The following SLC12A1 variants were observed in gnomAD, a reference collection of about 807,000 sequenced individuals.
SLC12A1 encodes solute carrier family 12 member 1.
In SLC12A1, 89 loss-of-function variants were observed where a neutral mutation model predicts 130.4. That is an observed-to-expected ratio of 0.68 (90% CI 0.58 to 0.81). SLC12A1 has a LOEUF of 0.81. Ranked by LOEUF, SLC12A1 falls within the 40% of genes least tolerant of loss-of-function variation. The pLI, the probability that SLC12A1 is intolerant of heterozygous loss-of-function variation, is 0.00. For synonymous variants in SLC12A1, 499 were observed against 460.0 expected (o/e 1.08, Z -1.09); for missense variants, 1,310 against 1,336.4 (o/e 0.98, Z 0.31).
chr15:48,207,112 A>G (rs1387839408), intron 1 of SLC12A1, among the ~76,000 whole-genome samples: 2 of 152,160 alleles, frequency 1.3e-5, no homozygotes, highest in East Asian at 1.9e-4. Flanking sequence ...TTTTCATTTT[A>G]TATGTTGTAT....
intron 11 of SLC12A1, among the ~76,000 whole-genome samples, chr15:48,246,217 C>A (rs531465091): frequency 6.6e-6 from 1 of 152,038 alleles, no homozygotes; most frequent in Non-Finnish European, 1.5e-5. Flanking sequence ...CCTCTGTGTG[C>A]AGGAAGAAGA....
intron 24 of SLC12A1, among the ~76,000 whole-genome samples, chr15:48,298,309 A>G (rs1183233057): frequency 6.6e-6 from 1 of 152,232 alleles, no homozygotes; most frequent in Non-Finnish European, 1.5e-5. Flanking sequence ...CATAAATTAT[A>G]AGTTTTACTT....
intron 19 of SLC12A1, among the ~76,000 whole-genome samples, chr15:48,272,418 T>TTTTGTTTG (rs57354501): frequency 0.18 from 27,686 of 151,532 alleles, 2,849 homozygotes; most frequent in African/African-American, 0.27. Context: ...TGGTTTAGTT[T>TTTTGTTTG]TTTGTTTGTT....
intron 21 of SLC12A1, 109 bp downstream of exon 21, chr15:48,285,358 G>T: frequency 9.7e-7 from 1 of 1,031,138 alleles, no homozygotes; most frequent in Non-Finnish European, 1.4e-6. Flanking sequence ...TTGAGTGTGG[G>T]TAGGAACTGA....
In SLC12A1 at chr15:48,269,725, C is replaced by A; in HGVS notation, c.2363C>A (p.Ala788Asp). 6.2e-7 allele frequency: 1 copy of A among 1,610,852 alleles called. No homozygotes were observed. Among genetic ancestry groups the A allele is most frequent in the Non-Finnish European group, 8.5e-7 (1 of 1,177,320 alleles). ...VIGYKKNWRK[A>D]PLTEIENYVG... is the part of the protein sequence containing the mutation. ...GGATATAAGAAAAACTGGAGGAAAGCTCCCTTGACAGAGATTGAGAACTAC... is the reference window on the plus strand; with the variant it reads ...GGATATAAGAAAAACTGGAGGAAAGATCCCTTGACAGAGATTGAGAACTAC... Residue 788 changes from alanine to aspartate, a missense_variant, in exon 19 of 27, where the codon GCT becomes GAT. Physicochemically the swap from Ala to Asp is moderately radical, Grantham distance 126. Coordinates refer to ENST00000380993, the MANE Select transcript of SLC12A1 (RefSeq NM_000338.3).
At chr15:48,278,014 T>C (rs2041972031) in intron 20 of SLC12A1, among the ~76,000 whole-genome samples, 1 of 152,250 alleles carries the variant, frequency 6.6e-6, no homozygotes, top group Admixed American at 6.5e-5. Context: ...TTCCTTTTTA[T>C]GCCCCTTTTC....
At chr15:48,241,207 A>G (rs1302504328) in intron 9 of SLC12A1, among the ~76,000 whole-genome samples, 2 of 152,236 alleles carry the variant, frequency 1.3e-5, no homozygotes, top group African/African-American at 2.4e-5. Flanking sequence ...TTCATAGGAG[A>G]TAAAGAGAAG....
At chr15:48,271,272 C>T (rs747656941) in intron 19 of SLC12A1, among the ~76,000 whole-genome samples, 4 of 152,026 alleles carry the variant, frequency 2.6e-5, no homozygotes. Flanking sequence ...CTTAATCAGA[C>T]TCCAGAGCGG....
intron 1 of SLC12A1, among the ~76,000 whole-genome samples, chr15:48,207,052 A>G (rs2040990611): frequency 2.0e-5 from 3 of 152,302 alleles, no homozygotes; most frequent in South Asian, 4.1e-4. Flanking sequence ...TAAGTTGAAC[A>G]TGTACAGATT....
chr15:48,237,782 C>A (rs370750698), intron 9 of SLC12A1, among the ~76,000 whole-genome samples: 1 of 152,016 alleles, frequency 6.6e-6, no homozygotes, highest in African/African-American at 2.4e-5. Context: ...AGAGACTCTA[C>A]GGAGGTTAGA....
chr15:48,238,080 C>G (rs1348470347), intron 9 of SLC12A1, among the ~76,000 whole-genome samples: 1 of 152,176 alleles, frequency 6.6e-6, no homozygotes, highest in Non-Finnish European at 1.5e-5. Context: ...ACATCACAAC[C>G]AAGTGCACAC....
At chr15:48,212,899 A>C (rs1294869002) in intron 2 of SLC12A1, among the ~76,000 whole-genome samples, 2 of 152,218 alleles carry the variant, frequency 1.3e-5, no homozygotes, top group African/African-American at 4.8e-5. Context: ...TAAAAGCATT[A>C]ACTTTAAATG....
chr15:48,288,261 T>C, intron 22 of SLC12A1, 87 bp downstream of exon 22: 1 of 1,318,152 alleles, frequency 7.6e-7, no homozygotes, highest in South Asian at 1.4e-5. Flanking sequence ...GGAACAATAC[T>C]GGTTAAAGAA....
intron 20 of SLC12A1, among the ~76,000 whole-genome samples, chr15:48,276,376 C>A (rs1048139856): frequency 2.0e-5 from 3 of 152,090 alleles, no homozygotes; most frequent in South Asian, 2.1e-4. Context: ...AAGTGCTAAC[C>A]CCCAGGACCT....
At chr15:48,280,265 A>G (rs1455623181) in intron 20 of SLC12A1, among the ~76,000 whole-genome samples, 1 of 152,206 alleles carries the variant, frequency 6.6e-6, no homozygotes, top group Non-Finnish European at 1.5e-5. Context: ...GGTACCATAT[A>G]ATCGATTTAT....
At chr15:48,289,220 G>C (rs967832853) in intron 23 of SLC12A1, among the ~76,000 whole-genome samples, 1 of 151,362 alleles carries the variant, frequency 6.6e-6, no homozygotes, top group African/African-American at 2.4e-5. Flanking sequence ...GTCTCTGATG[G>C]AAATCCAGAA....
rs374318227 is a variant in SLC12A1 at position 48,227,107 on chromosome 15, T to C, written c.724+536T>C. On this transcript the variant is annotated intron_variant, in intron 5 of 26. Transcript: ENST00000380993. ...TTGGAGTCATCATCATTGGCCTAAGTGTGGTAGTAACGACACTCACAGGTA... is the reference window on the plus strand; with the variant it reads ...TTGGAGTCATCATCATTGGCCTAAGCGTGGTAGTAACGACACTCACAGGTA... 1.9e-5 allele frequency: 30 copies of C among 1,552,088 alleles called. No homozygotes were observed. In the African/African-American group the frequency reaches 3.4e-4, roughly 18 times the overall value.
chr15:48,288,379 G>A lies in SLC12A1; in HGVS notation c.2762-26G>A, dbSNP rs1408920669. The stretch of plus-strand genomic sequence containing the variant: ...TTCCTTCCATTTAGATATACTCATT[G>A]TGTCATAATTTATTCTTTATTCCAG... On this transcript the variant is annotated intron_variant, in intron 22 of 26. Transcript: ENST00000380993. 1.1e-5 allele frequency: 13 copies of A among 1,236,692 alleles called. No homozygotes were observed. In the South Asian group the frequency reaches 1.7e-4, roughly 16 times the overall value. 76.6% of individuals were successfully genotyped at this position (1,236,692 alleles called of 1,614,324 possible).
chr15:48,248,375 A>ATT (rs1227839509), intron 13 of SLC12A1, among the ~76,000 whole-genome samples: 3 of 152,262 alleles, frequency 2.0e-5, no homozygotes, highest in Non-Finnish European at 4.4e-5. Flanking sequence ...CAATTATGTA[A>ATT]TTTAGCCTCT....
Sources: allele counts gnomAD v4.1 joint callset (sites outside exome capture counted in the v4.1 genomes callset), GRCh38; gene constraint gnomAD v4.1.1; transcripts MANE v1.5; gene names NCBI Gene and HGNC (gene_info 2026-07-23, HGNC 2026-07-21).